LDLRAD4: variants seen among roughly 807,000 people sequenced by gnomAD.
The protein encoded by LDLRAD4 is low density lipoprotein receptor class A domain containing 4.
In LDLRAD4, 5 loss-of-function variants were observed where a neutral mutation model predicts 17.0. That is an observed-to-expected ratio of 0.29 (90% CI 0.15 to 0.62). The LOEUF (loss-of-function observed/expected upper bound fraction) is 0.62, where lower values mean the gene tolerates loss of function less well. LDLRAD4 is among the 20% of genes least tolerant of loss of function. LDLRAD4 has a pLI of 0.84. For synonymous variants in LDLRAD4, 168 were observed against 171.8 expected, an observed-to-expected ratio of 0.98 and a Z score of 0.17; for missense variants, 340 against 424.7, an observed-to-expected ratio of 0.80 and a Z score of 1.75.
At chr18:13,410,733 A>C (rs1305655956) in intron 2 of LDLRAD4, among the ~76,000 whole-genome samples, 2 of 152,226 alleles carry the variant, frequency 1.3e-5, no homozygotes, top group Admixed American at 1.3e-4. Context: ...ATCAGGTTAG[A>C]TGCTGGCAGG....
At chr18:13,374,109 T>G (rs536707362) in intron 1 of LDLRAD4, among the ~76,000 whole-genome samples, 1 of 152,380 alleles carries the variant, frequency 6.6e-6, no homozygotes, top group African/African-American at 2.4e-5. Flanking sequence ...TGATGTCATG[T>G]GTCCCTGATA....
chr18:13,417,824 G>A (rs182004175), intron 2 of LDLRAD4, among the ~76,000 whole-genome samples: 4 of 152,256 alleles, frequency 2.6e-5, no homozygotes, highest in Admixed American at 2.0e-4. Context: ...TTTATTGTAG[G>A]TAAATGTGTG....
At chr18:13,260,101 A>G (rs1347362082) in intron 1 of LDLRAD4, among the ~76,000 whole-genome samples, 2 of 152,382 alleles carry the variant, frequency 1.3e-5, no homozygotes, top group East Asian at 1.9e-4. Flanking sequence ...AGTTCAGGTC[A>G]GTTACTTCCC....
intron 3 of LDLRAD4, among the ~76,000 whole-genome samples, chr18:13,446,634 G>A (rs1325508870): frequency 1.3e-5 from 2 of 152,224 alleles, no homozygotes. Context: ...CCAGAAGCCA[G>A]CTCTCCTCTC....
intron 3 of LDLRAD4, among the ~76,000 whole-genome samples, chr18:13,534,427 CTGAA>C (rs1318358051): frequency 6.6e-6 from 1 of 152,084 alleles, no homozygotes; most frequent in Non-Finnish European, 1.5e-5. Flanking sequence ...TTTAACCTAA[CTGAA>C]TGAGTTGTTT....
chr18:13,541,637 T>C (rs1420413688), intron 3 of LDLRAD4, among the ~76,000 whole-genome samples: 1 of 152,204 alleles, frequency 6.6e-6, no homozygotes, highest in Non-Finnish European at 1.5e-5. Flanking sequence ...ACTTACTGCC[T>C]CTGAGATGCC....
chr18:13,642,303 C>T, intron 4 of LDLRAD4: 1 of 992,152 alleles, frequency 1.0e-6, no homozygotes, highest in African/African-American at 1.7e-5. Context: ...AAACGCGGGC[C>T]CCTACACGCT....
intron 3 of LDLRAD4, among the ~76,000 whole-genome samples, chr18:13,575,725 G>T (rs1022937457): frequency 7.2e-5 from 11 of 152,138 alleles, no homozygotes; most frequent in African/African-American, 2.7e-4. Context: ...CCGCATCCAC[G>T]CCAACATCTG....
intron 1 of LDLRAD4, among the ~76,000 whole-genome samples, chr18:13,354,555 A>T (rs1397799342): frequency 6.6e-6 from 1 of 152,146 alleles, no homozygotes; most frequent in Non-Finnish European, 1.5e-5. Flanking sequence ...AGGCAGTCTG[A>T]ACTAAATTAC....
intron 1 of LDLRAD4, among the ~76,000 whole-genome samples, chr18:13,266,379 T>A (rs1191447993): frequency 6.6e-6 from 1 of 152,132 alleles, no homozygotes; most frequent in Non-Finnish European, 1.5e-5. Context: ...TACCTCGCAC[T>A]GGGTCCGTGG....
chr18:13,495,869 C>T (rs568313925), intron 3 of LDLRAD4, among the ~76,000 whole-genome samples: 1 of 152,348 alleles, frequency 6.6e-6, no homozygotes, highest in African/African-American at 2.4e-5. Context: ...AGCGCGAAGA[C>T]CTCCATCACC....
chr18:13,361,936 G>A (rs776227886), intron 1 of LDLRAD4, among the ~76,000 whole-genome samples: 5 of 152,040 alleles, frequency 3.3e-5, no homozygotes, highest in Non-Finnish European at 5.9e-5. Flanking sequence ...TAATAGGAGC[G>A]TACTTGACAT....
At chr18:13,601,322 A>G (rs1270638861) in intron 3 of LDLRAD4, among the ~76,000 whole-genome samples, 1 of 152,264 alleles carries the variant, frequency 6.6e-6, no homozygotes, top group Admixed American at 6.5e-5. Flanking sequence ...AAGGACATGA[A>G]CAAACACTTC....
chr18:13,532,507 T>C (rs1204176016), intron 3 of LDLRAD4, among the ~76,000 whole-genome samples: 4 of 34,444 alleles, frequency 1.2e-4, no homozygotes, highest in African/African-American at 3.0e-4. Context: ...GTCCCTGTCT[T>C]CCACATTTTC....
At chr18:13,321,861 C>CAAAAAAAAAAAAAGAAAAAAAAAAA (rs2081242564) in intron 1 of LDLRAD4, among the ~76,000 whole-genome samples, 1 of 62,140 alleles carries the variant, frequency 1.6e-5, no homozygotes, top group African/African-American at 6.4e-5. Context: ...GACTCCGTCT[C>CAAAAAAAAAAAAAGAAAAAAAAAAA]AAAAAAAAAA....
chr18:13,432,986 G>A (rs1303735657), intron 2 of LDLRAD4, among the ~76,000 whole-genome samples: 2 of 152,138 alleles, frequency 1.3e-5, no homozygotes, highest in Non-Finnish European at 2.9e-5. Context: ...CAAAGTTCTG[G>A]GATTACAGGT....
chr18:13,272,551 C>T (rs1051924152), intron 1 of LDLRAD4, among the ~76,000 whole-genome samples: 1 of 152,270 alleles, frequency 6.6e-6, no homozygotes, highest in Non-Finnish European at 1.5e-5. Context: ...TCTCGCTCCT[C>T]CTGGCCGCGT....
intron 2 of LDLRAD4, chr18:13,420,043 G>A (rs1234283837): frequency 6.6e-6 from 1 of 152,166 alleles, no homozygotes. Flanking sequence ...GGAAAAAAGT[G>A]ACACCTACAA....
In LDLRAD4 at chr18:13,645,074, A is replaced by T; in HGVS notation, c.391-53A>T. 1 of 1,362,594 alleles carries T rather than the reference A, an allele frequency of 7.3e-7. No homozygotes were observed. Among genetic ancestry groups the T allele is most frequent in the Non-Finnish European group, 1.0e-6 (1 of 984,232 alleles). 84.4% of individuals were successfully genotyped at this position (1,362,594 alleles called of 1,614,324 possible). On this transcript the variant is annotated intron_variant, in intron 5 of 5. Transcript: ENST00000359446. The surrounding 1 kb of genome is among the most constrained non-coding windows in gnomAD (Gnocchi z 5.7). ...AACTTTCCTTGATTCTGACACATTT[A>T]TGGTCATCATTGCGCTCAAACTGTC...
Sources: allele counts gnomAD v4.1 joint callset (sites outside exome capture counted in the v4.1 genomes callset), GRCh38; gene constraint gnomAD v4.1.1; non-coding constraint Gnocchi (gnomAD v3.1); transcripts MANE v1.5; gene names NCBI Gene and HGNC (gene_info 2026-07-23, HGNC 2026-07-21).